Variants in RBL1 observed in about 807,000 individuals in gnomAD.
RBL1 encodes the protein RB transcriptional corepressor like 1, also known as retinoblastoma-like protein 1.
In RBL1, 82 loss-of-function variants were observed where a neutral mutation model predicts 123.0. That is an observed-to-expected ratio of 0.67 (90% CI 0.56 to 0.80). The LOEUF (loss-of-function observed/expected upper bound fraction) is 0.80, where lower values mean the gene tolerates loss of function less well. RBL1 is among the 30% of genes least tolerant of loss of function. RBL1 has a pLI of 0.00. For missense variants in RBL1, 1,171 were observed against 1,299.6 expected (o/e 0.90, Z 1.52); for synonymous variants, 405 against 441.3 (o/e 0.92, Z 1.03).
intron 2 of RBL1, among the ~76,000 whole-genome samples, chr20:37,080,063 CT>C (rs143899424): frequency 0.14 from 21,035 of 149,970 alleles, 2,181 homozygotes; most frequent in East Asian, 0.48. Flanking sequence ...ATAGAATGTA[CT>C]TTTTTTTTTC....
intron 1 of RBL1, among the ~76,000 whole-genome samples, chr20:37,089,618 T>C (rs911810326): frequency 5.3e-5 from 8 of 149,636 alleles, no homozygotes; most frequent in Non-Finnish European, 1.0e-4. Flanking sequence ...CATTCCAACA[T>C]AGGCAGCTGA....
intron 13 of RBL1, among the ~76,000 whole-genome samples, chr20:37,041,498 T>C (rs2064726108): frequency 6.6e-6 from 1 of 152,076 alleles, no homozygotes; most frequent in Admixed American, 6.6e-5. Context: ...ATTTTTTGTA[T>C]TTTTAGTAGA....
chr20:37,069,424 G>C (rs1389009344), intron 2 of RBL1, among the ~76,000 whole-genome samples: 4 of 151,710 alleles, frequency 2.6e-5, no homozygotes, highest in Admixed American at 2.0e-4. Flanking sequence ...ATCCCATCTA[G>C]GAAGTGAGGA....
At chr20:37,042,127 A>T (rs1234784198) in intron 13 of RBL1, among the ~76,000 whole-genome samples, 1 of 151,938 alleles carries the variant, frequency 6.6e-6, no homozygotes, top group African/African-American at 2.4e-5. Context: ...TGGGAGAAAC[A>T]TTTTGCAAAT....
intron 12 of RBL1, among the ~76,000 whole-genome samples, chr20:37,045,116 A>G (rs1205206185): frequency 6.8e-6 from 1 of 147,384 alleles, no homozygotes; most frequent in Admixed American, 6.7e-5. Flanking sequence ...TTATTTATTT[A>G]TTTATTTTGA....
chr20:37,067,830 A>G (rs964856340), intron 3 of RBL1, among the ~76,000 whole-genome samples, 156 bp downstream of exon 3: 1 of 151,748 alleles, frequency 6.6e-6, no homozygotes, highest in Non-Finnish European at 1.5e-5. Context: ...TATTATCCTG[A>G]ATTTCCAAAT....
intron 21 of RBL1, among the ~76,000 whole-genome samples, chr20:37,000,785 CCGCCCGGCCAGCCGCCCCG>C (rs2063961620): frequency 7.2e-6 from 1 of 138,548 alleles, no homozygotes. Flanking sequence ...GGTCAGCCCC[CCGCCCGGCCAGCCGCCCCG>C]TCCGGGAGGT....
intron 16 of RBL1, among the ~76,000 whole-genome samples, chr20:37,028,364 A>AAAAT (rs1268408738): frequency 2.0e-5 from 3 of 151,940 alleles, no homozygotes; most frequent in Non-Finnish European, 4.4e-5. Flanking sequence ...GACTGTCTCA[A>AAAAT]AAATAAATAA....
At chr20:37,084,716 G>T (rs1040993514) in intron 2 of RBL1, among the ~76,000 whole-genome samples, 2 of 151,790 alleles carry the variant, frequency 1.3e-5, no homozygotes, top group South Asian at 4.2e-4. Context: ...AAAGAGAAAA[G>T]AAAATAAAAA....
At chr20:37,038,479 T>A (rs993106688) in intron 14 of RBL1, among the ~76,000 whole-genome samples, 4 of 149,864 alleles carry the variant, frequency 2.7e-5, no homozygotes, top group African/African-American at 9.9e-5. Flanking sequence ...TTTTGTATTT[T>A]TAGTAGAGAT....
In RBL1 at chr20:37,037,950, G is replaced by C. The variant is rs564528756; in HGVS notation, c.1903+2203C>G. On this transcript the variant is annotated intron_variant, in intron 14 of 21. Transcript: ENST00000373664. Reference sequence around the variant, plus strand: ...TCTGCCCGCCTCGGCCTCCCAAAGTGCTAGGATTACGGGTGTAAGCCACTG... The same window carrying C: ...TCTGCCCGCCTCGGCCTCCCAAAGTCCTAGGATTACGGGTGTAAGCCACTG... Among the ~76,000 whole-genome samples, 735 of 148,664 alleles carry C rather than the reference G, an allele frequency of 4.9e-3. 6 individuals are homozygous for C. The highest frequency in any genetic ancestry group is 6.5e-3 in the Non-Finnish European group (441 of 67,650).
chr20:37,033,965 G>A (rs1339212184), intron 15 of RBL1, among the ~76,000 whole-genome samples: 1 of 138,332 alleles, frequency 7.2e-6, no homozygotes, highest in Admixed American at 7.8e-5. Context: ...TTTTGACAAT[G>A]TCTTGCTCTG....
intron 19 of RBL1, among the ~76,000 whole-genome samples, chr20:37,015,011 C>T (rs947394934): frequency 6.8e-5 from 10 of 146,416 alleles, no homozygotes; most frequent in Admixed American, 4.2e-4. Flanking sequence ...TGCAGTGAGC[C>T]GAGATCGCAC....
rs2064944896 is a variant in RBL1, at chr20:37,053,074, C to T, written c.1467+2479G>A. ...AGCTGACAGACTTGAAAGAAATAGACAAATCTACAATCATACATGGACACT... is the reference window on the plus strand; with the variant it reads ...AGCTGACAGACTTGAAAGAAATAGATAAATCTACAATCATACATGGACACT... On this transcript the variant is annotated intron_variant, in intron 11 of 21. Coordinates refer to ENST00000373664, the MANE Select transcript of RBL1 (RefSeq NM_002895.5). Among the ~76,000 whole-genome samples, 4 of 152,188 alleles carry T rather than the reference C, an allele frequency of 2.6e-5. No homozygotes were observed. The South Asian group carries it at 8.3e-4, about 32-fold the overall frequency.
intron 19 of RBL1, among the ~76,000 whole-genome samples, chr20:37,012,590 G>A (rs1214505429): frequency 6.9e-6 from 1 of 145,266 alleles, no homozygotes; most frequent in African/African-American, 2.8e-5. Context: ...TCTCTGCCCA[G>A]CCGCCCCGTC....
intron 13 of RBL1, among the ~76,000 whole-genome samples, chr20:37,042,905 T>C (rs2425322): frequency 0.79 from 52,754 of 66,414 alleles, 19,745 homozygotes; most frequent in Middle Eastern, 0.85. Context: ...TCCCCCCCCC[T>C]CCAAAAAAAA....
chr20:37,082,944 G>A (rs976175749), intron 2 of RBL1, among the ~76,000 whole-genome samples: 3 of 152,188 alleles, frequency 2.0e-5, no homozygotes, highest in African/African-American at 7.2e-5. Context: ...AGAGGTTGCA[G>A]TGAGCTGAGA....
rs1403444641 is a variant in RBL1, at chr20:37,089,097, C to A, written c.182G>T (p.Cys61Phe). 6.2e-7 allele frequency: 1 copy of A among 1,608,942 alleles called. No individual in the cohort carries two copies. Among genetic ancestry groups the A allele is most frequent in the Non-Finnish European group, 8.5e-7 (1 of 1,177,316 alleles). The change falls in exon 2 of 22, where the codon TGT (cysteine) becomes TTT (phenylalanine). Residue 61 changes from cysteine to phenylalanine, a missense_variant. Cys to Phe is a radical substitution (Grantham distance 205). Coordinates refer to ENST00000373664, the MANE Select transcript of RBL1 (RefSeq NM_002895.5). Reference sequence around the variant, plus strand: ...TTTGCGGCATGCAACATATAATGAACATGCCAACCAGTGTGTAACTTCTCC... The same window carrying A: ...TTTGCGGCATGCAACATATAATGAAAATGCCAACCAGTGTGTAACTTCTCC... ...LEGEVTHWLA[C>F]SLYVACRKSI...
At chr20:37,060,238 T>C (rs1353985212) in intron 9 of RBL1, among the ~76,000 whole-genome samples, 1 of 151,902 alleles carries the variant, frequency 6.6e-6, no homozygotes, top group Non-Finnish European at 1.5e-5. Flanking sequence ...GTACCACCAA[T>C]ATGCAATTAG....
Sources: allele counts gnomAD v4.1 joint callset (sites outside exome capture counted in the v4.1 genomes callset), GRCh38; gene constraint gnomAD v4.1.1; transcripts MANE v1.5; gene names NCBI Gene and HGNC (gene_info 2026-07-23, HGNC 2026-07-21).